DLG1: variants seen among roughly 807,000 people sequenced by gnomAD.
DLG1 encodes the protein discs large MAGUK scaffold protein 1, also known as disks large homolog 1.
In DLG1, 42 loss-of-function variants were observed where a neutral mutation model predicts 123.4. That is an observed-to-expected ratio of 0.34 (90% CI 0.27 to 0.44). DLG1 has a LOEUF of 0.44. DLG1 is among the 20% of genes least tolerant of loss of function. DLG1 has a pLI of 1.00. For missense variants in DLG1, 942 were observed against 1,082.6 expected, an observed-to-expected ratio of 0.87 and a Z score of 1.82; for synonymous variants, 317 against 356.2, an observed-to-expected ratio of 0.89 and a Z score of 1.24.
chr3:197,174,153 C>T (rs1805795438), intron 5 of DLG1, among the ~76,000 whole-genome samples: 1 of 152,136 alleles, frequency 6.6e-6, no homozygotes, highest in Non-Finnish European at 1.5e-5. Flanking sequence ...TTGTAGCTTG[C>T]TGACTCCTGC....
intron 24 of DLG1, among the ~76,000 whole-genome samples, chr3:197,047,453 C>CTGAT (rs1724113518): frequency 6.6e-6 from 1 of 152,182 alleles, no homozygotes; most frequent in East Asian, 1.9e-4. Flanking sequence ...ATGACCCTTA[C>CTGAT]TGATACTCAG....
At chr3:197,258,644 C>T (rs1446826430) in intron 4 of DLG1, among the ~76,000 whole-genome samples, 1 of 152,108 alleles carries the variant, frequency 6.6e-6, no homozygotes, top group African/African-American at 2.4e-5. Context: ...ACTACACTGT[C>T]AGACTTTTAA....
chr3:197,105,118 C>G, intron 13 of DLG1, 113 bp from the exon 14 acceptor site: 5 of 604,444 alleles, frequency 8.3e-6, no homozygotes, highest in Non-Finnish European at 1.4e-5. Context: ...AATAACTTTA[C>G]CACTAAAATG....
At chr3:197,210,734 C>T (rs533182444) in intron 4 of DLG1, among the ~76,000 whole-genome samples, 1 of 143,420 alleles carries the variant, frequency 7.0e-6, no homozygotes, top group East Asian at 2.0e-4. Context: ...GGCCCAAATA[C>T]ACTAAATTCT....
At chr3:197,183,872 T>C in intron 5 of DLG1, 1 of 1,508,570 alleles carries the variant, frequency 6.6e-7, no homozygotes, top group South Asian at 1.3e-5. Context: ...GAGTGGTGAA[T>C]GATCGGTAAA....
intron 8 of DLG1, 80 bp from the exon 9 acceptor site, chr3:197,138,471 ACTT>A (rs1285571628): frequency 2.9e-6 from 2 of 699,590 alleles, no homozygotes; most frequent in Non-Finnish European, 3.8e-6. Context: ...ATTTTTTGTT[ACTT>A]CTTTTTTAAG....
At chr3:197,142,253 G>A (rs1449399755) in intron 7 of DLG1, among the ~76,000 whole-genome samples, 3 of 152,124 alleles carry the variant, frequency 2.0e-5, no homozygotes, top group Non-Finnish European at 2.9e-5. Flanking sequence ...AGAAAAATCT[G>A]AGAAACTATC....
intron 7 of DLG1, among the ~76,000 whole-genome samples, chr3:197,141,755 C>G (rs1296617059): frequency 6.8e-6 from 1 of 147,364 alleles, no homozygotes; most frequent in Non-Finnish European, 1.5e-5. Flanking sequence ...CAGAGTCTCA[C>G]TCTGTCACCC....
At chr3:197,199,276 A>G (rs1189362216) in intron 4 of DLG1, among the ~76,000 whole-genome samples, 1 of 152,212 alleles carries the variant, frequency 6.6e-6, no homozygotes, top group Non-Finnish European at 1.5e-5. Flanking sequence ...TTATAGGTTG[A>G]GCATCCCTAA....
chr3:197,178,166 C>G (rs1436174769), intron 5 of DLG1, among the ~76,000 whole-genome samples: 1 of 152,038 alleles, frequency 6.6e-6, no homozygotes, highest in African/African-American at 2.4e-5. Context: ...TGAAGGGGTG[C>G]TACCTTAGAG....
intron 24 of DLG1, among the ~76,000 whole-genome samples, chr3:197,046,931 A>G (rs1723678653): frequency 6.9e-6 from 1 of 144,698 alleles, no homozygotes; most frequent in Admixed American, 7.1e-5. Flanking sequence ...AAAAAACAAC[A>G]AAAAATCCCC....
intron 5 of DLG1, among the ~76,000 whole-genome samples, chr3:197,193,597 CA>C (rs1332066368): frequency 5.9e-5 from 9 of 152,170 alleles, no homozygotes; most frequent in African/African-American, 2.2e-4. Flanking sequence ...TGAAATTTAT[CA>C]ATGTGAGGAA....
At chr3:197,249,990 T>C (rs1753579246) in intron 4 of DLG1, among the ~76,000 whole-genome samples, 1 of 152,212 alleles carries the variant, frequency 6.6e-6, no homozygotes, top group African/African-American at 2.4e-5. Context: ...GTCTTTCCTC[T>C]AAGGTCTGGA....
intron 4 of DLG1, among the ~76,000 whole-genome samples, chr3:197,220,003 C>A (rs1000123322): frequency 6.6e-6 from 1 of 152,192 alleles, no homozygotes; most frequent in Non-Finnish European, 1.5e-5. Context: ...TTACTATGTA[C>A]ACTGTAGAAT....
chr3:197,157,859 A>C (rs550788134), intron 5 of DLG1, among the ~76,000 whole-genome samples: 1 of 152,358 alleles, frequency 6.6e-6, no homozygotes, highest in East Asian at 1.9e-4. Context: ...GAAGGGAATA[A>C]AACAGAATCC....
chr3:197,200,661 G>A (rs1455489388), intron 4 of DLG1, among the ~76,000 whole-genome samples: 2 of 152,090 alleles, frequency 1.3e-5, no homozygotes, highest in East Asian at 1.9e-4. Flanking sequence ...AGGAGGCAAG[G>A]ATAGTTCAAC....
At chr3:197,077,382 C>G (rs1747983239) in intron 17 of DLG1, among the ~76,000 whole-genome samples, 1 of 152,050 alleles carries the variant, frequency 6.6e-6, no homozygotes, top group African/African-American at 2.4e-5. Context: ...ATCTCTTAGC[C>G]AAGCAAGAAG....
intron 5 of DLG1, among the ~76,000 whole-genome samples, chr3:197,159,936 A>G (rs1455742860): frequency 6.6e-6 from 1 of 152,220 alleles, no homozygotes; most frequent in Non-Finnish European, 1.5e-5. Context: ...CACTAAAAAT[A>G]TGGGCGGCTA....
At chr3:197,081,007 G>A (rs1285316416) in intron 17 of DLG1, 44 bp downstream of exon 17, 1 of 1,542,898 alleles carries the variant, frequency 6.5e-7, no homozygotes, top group African/African-American at 1.4e-5. Context: ...TAACAATGTA[G>A]CTCAAACAGG....
Sources: allele counts gnomAD v4.1 joint callset (sites outside exome capture counted in the v4.1 genomes callset), GRCh38; gene constraint gnomAD v4.1.1; transcripts MANE v1.5; gene names NCBI Gene and HGNC (gene_info 2026-07-23, HGNC 2026-07-21).